Variants in DIS3L2 observed in about 807,000 individuals in gnomAD.
DIS3L2 encodes DIS3 like 3'-5' exoribonuclease 2.
Under a neutral mutation model 97.5 loss-of-function variants are expected in DIS3L2, and 34 were observed. The ratio of observed to expected loss-of-function variants is 0.35; its 90% CI spans 0.27 to 0.46. DIS3L2 has a LOEUF of 0.46. Among genes scored for constraint, DIS3L2 ranks in the 20% least tolerant of loss-of-function variants. DIS3L2 has a pLI of 1.00. For missense variants in DIS3L2, 1,038 were observed against 1,146.0 expected, an observed-to-expected ratio of 0.91 and a Z score of 1.36; for synonymous variants, 435 against 445.2, an observed-to-expected ratio of 0.98 and a Z score of 0.29.
At chr2:232,122,787 A>G (rs189984189) in intron 6 of DIS3L2, among the ~76,000 whole-genome samples, 24 of 152,316 alleles carry the variant, frequency 1.6e-4, no homozygotes, top group Admixed American at 2.6e-4. Context: ...ATAGTAGCTA[A>G]CAATTGTTAA....
intron 3 of DIS3L2, among the ~76,000 whole-genome samples, 182 bp from the exon 4 acceptor site, chr2:232,024,095 C>T (rs1424888221): frequency 6.6e-6 from 1 of 152,076 alleles, no homozygotes; most frequent in African/African-American, 2.4e-5. Flanking sequence ...TTTGATAGAA[C>T]CCTCTATTTC....
At chr2:232,084,037 G>GAACA (rs1696496998) in intron 5 of DIS3L2, among the ~76,000 whole-genome samples, 1 of 152,180 alleles carries the variant, frequency 6.6e-6, no homozygotes, top group Non-Finnish European at 1.5e-5. Context: ...TTTGAGGATG[G>GAACA]TCAGGGGCAG....
intron 14 of DIS3L2, among the ~76,000 whole-genome samples, chr2:232,322,548 C>G (rs1308706718): frequency 2.0e-5 from 3 of 152,230 alleles, no homozygotes; most frequent in Non-Finnish European, 1.5e-5. Flanking sequence ...ACGCTTGTTT[C>G]CCTGCAGACT....
intron 1 of DIS3L2, among the ~76,000 whole-genome samples, chr2:232,011,498 G>GT (rs1694199708): frequency 6.6e-6 from 1 of 151,770 alleles, no homozygotes; most frequent in South Asian, 2.1e-4. Flanking sequence ...GAGTACAGGC[G>GT]TGCACCACCA....
rs527255230 is a variant in DIS3L2 at position 232,102,758 on chromosome 2, G to A, written c.601+15037G>A. ...GAAAAATTGCTATGTTCTACAGTTC[G>A]GTGTGGATTTCAAGAGCTGGCATTG... On this transcript the variant is annotated intron_variant, in intron 6 of 20. Transcript: ENST00000325385. Among the ~76,000 whole-genome samples the A allele has an allele frequency of 2.2e-4, 33 of 152,252 alleles. No homozygotes were observed. The South Asian group carries it at 6.4e-3, about 30-fold the overall frequency.
chr2:232,155,967 G>A (rs1038523918), intron 8 of DIS3L2, among the ~76,000 whole-genome samples: 1 of 151,778 alleles, frequency 6.6e-6, no homozygotes, highest in African/African-American at 2.4e-5. Flanking sequence ...TCCAGCCTGG[G>A]CGACAGAGTG....
At chr2:231,976,781 T>C (rs1693108531) in intron 1 of DIS3L2, among the ~76,000 whole-genome samples, 1 of 149,158 alleles carries the variant, frequency 6.7e-6, no homozygotes, top group Non-Finnish European at 1.5e-5. Flanking sequence ...TTTTTTTTTT[T>C]TTTTGAGACA....
chr2:232,334,540 C>T (rs377320459), intron 18 of DIS3L2, 41 bp downstream of exon 18: 353 of 1,609,932 alleles, frequency 2.2e-4, no homozygotes, highest in Non-Finnish European at 2.9e-4. Flanking sequence ...CCCTCTGGCT[C>T]CCGACCCTCC....
chr2:232,275,800 A>C (rs1189637195), intron 13 of DIS3L2, among the ~76,000 whole-genome samples: 1 of 152,210 alleles, frequency 6.6e-6, no homozygotes. Context: ...CACAGCACTC[A>C]GAGTGGCTTA....
chr2:232,022,063 T>A (rs2106230083), intron 3 of DIS3L2, among the ~76,000 whole-genome samples: 1 of 152,292 alleles, frequency 6.6e-6, no homozygotes, highest in East Asian at 1.9e-4. Context: ...CTTGGACTTT[T>A]GTAGGTGAGT....
At chr2:232,223,015 G>C (rs1273714868) in intron 10 of DIS3L2, among the ~76,000 whole-genome samples, 5 of 152,176 alleles carry the variant, frequency 3.3e-5, no homozygotes, top group African/African-American at 4.8e-5. Context: ...CTTGATTTCT[G>C]TGGGGTCTGG....
intron 9 of DIS3L2, among the ~76,000 whole-genome samples, chr2:232,204,877 TG>T (rs1183184873): frequency 6.6e-6 from 1 of 152,174 alleles, no homozygotes; most frequent in African/African-American, 2.4e-5. Context: ...CAGCACATCG[TG>T]GCAGGCTCGT....
chr2:232,194,536 A>G (rs1157543608), intron 9 of DIS3L2, among the ~76,000 whole-genome samples: 1 of 152,224 alleles, frequency 6.6e-6, no homozygotes, highest in Non-Finnish European at 1.5e-5. Flanking sequence ...TGAGGATTAT[A>G]GTTCAAAGAT....
At chr2:232,123,852 G>A (rs1697977057) in intron 6 of DIS3L2, among the ~76,000 whole-genome samples, 1 of 152,208 alleles carries the variant, frequency 6.6e-6, no homozygotes, top group East Asian at 1.9e-4. Flanking sequence ...CATCAGGGTA[G>A]ACATGAAACA....
In DIS3L2 at chr2:232,300,073, G is replaced by A. The variant is rs770702636; in HGVS notation, c.1693G>A (p.Gly565Arg). ...KLAFTLDHET[G>R]LPQGCHIYEY... ...TGCTTTCACTCTGGACCACGAGACC[G>A]GATTGCCTCAAGGATGTCATATCTA... The change falls in exon 14 of 21, where the codon GGA becomes AGA. Residue 565 changes from glycine (G) to arginine (R), a missense_variant. By Grantham distance (125) the Gly-to-Arg change is moderately radical. This residue lies in a region of DIS3L2 where 813 missense variants were observed against 880.1 expected (regional missense o/e 0.92). Transcript: ENST00000325385. The A allele has an allele frequency of 1.6e-5, 26 of 1,613,756 alleles. No individual in the cohort carries two copies. Among genetic ancestry groups the A allele is most frequent in the South Asian group, 4.4e-5 (4 of 91,062 alleles).
At chr2:231,966,664 T>C (rs1259061941) in intron 1 of DIS3L2, among the ~76,000 whole-genome samples, 1 of 129,810 alleles carries the variant, frequency 7.7e-6, no homozygotes, top group African/African-American at 3.2e-5. Flanking sequence ...TTTTTTTTTT[T>C]TTTTTTTTTT....
intron 9 of DIS3L2, among the ~76,000 whole-genome samples, chr2:232,205,235 T>TATATAA (rs1003548006): frequency 5.1e-5 from 7 of 137,388 alleles, no homozygotes; most frequent in African/African-American, 1.9e-4. Flanking sequence ...TATATATATA[T>TATATAA]ATAAAATGCA....
rs570363664 is a variant in DIS3L2, at chr2:232,289,563, G to A, written c.1660-10477G>A. Among the ~76,000 whole-genome samples, 5 of 152,290 alleles carry A rather than the reference G, an allele frequency of 3.3e-5. No individual in the cohort carries two copies. The East Asian group carries it at 5.8e-4, about 18-fold the overall frequency. The stretch of plus-strand genomic sequence containing the variant: ...GATGGGATTATAGGCATGAGCCACC[G>A]CGCCCAGCCAGGAAAGAGATTTTAT... On this transcript the variant is annotated intron_variant, in intron 13 of 20. Transcript: ENST00000325385.
At chr2:231,967,167 T>C (rs1319606469) in intron 1 of DIS3L2, among the ~76,000 whole-genome samples, 1 of 152,170 alleles carries the variant, frequency 6.6e-6, no homozygotes, top group African/African-American at 2.4e-5. Flanking sequence ...GGAGAAGGGC[T>C]GATGAAGTAC....
Sources: gnomAD v4.1 joint callset for allele counts (sites outside exome capture counted in the v4.1 genomes callset) on GRCh38, gnomAD v4.1.1 for gene constraint, gnomAD v4.1.1 regional missense constraint, MANE v1.5 for transcripts, NCBI Gene and HGNC (gene_info 2026-07-23, HGNC 2026-07-21) for gene names.